Variants in CALCRL observed in about 807,000 individuals in gnomAD.
CALCRL encodes calcitonin receptor like receptor, also known as calcitonin gene-related peptide type 1 receptor.
A neutral mutation model predicts 60.4 loss-of-function variants in CALCRL; 27 were observed. The observed-to-expected ratio is 0.45, with a 90% CI of 0.33 to 0.62. The LOEUF is 0.62. Ranked by LOEUF, CALCRL falls within the 20% of genes least tolerant of loss-of-function variation. The pLI, the probability that CALCRL is intolerant of heterozygous loss-of-function variation, is 0.03. For synonymous variants in CALCRL, 190 were observed against 182.6 expected (o/e 1.04, Z -0.33); for missense variants, 424 against 540.7 (o/e 0.78, Z 2.14).
intron 1 of CALCRL, among the ~76,000 whole-genome samples, chr2:187,404,432 T>G (rs1055573725): frequency 6.6e-6 from 1 of 151,742 alleles, no homozygotes; most frequent in African/African-American, 2.4e-5. Context: ...AAGTTTTTTA[T>G]AAAAGTTCAA....
At chr2:187,367,196 A>G (rs1687337230) in intron 8 of CALCRL, among the ~76,000 whole-genome samples, 1 of 152,160 alleles carries the variant, frequency 6.6e-6, no homozygotes, top group Non-Finnish European at 1.5e-5. Context: ...ATGTGGTCAA[A>G]CTAGATAGTC....
Position 187,383,224 on chromosome 2 carries a change from G to A in CALCRL, c.133C>T (p.Gln45Ter). ...GVTRNKIMTA[Q>*]YECYQKIMQD... is the part of the protein sequence containing the mutation. ...ATAATCTTTTGGTAACATTCATATT[G>A]AGCTGTCATGATTTTATTTCTAGTA... The change falls in exon 5 of 15, where the codon CAA (glutamine) becomes TAA (stop). Residue 45 changes from glutamine (Q) to a stop codon, truncating the protein, a stop_gained. Transcript: ENST00000392370. LOFTEE classifies it high-confidence loss of function. 1 of 1,612,342 alleles carries A rather than the reference G, an allele frequency of 6.2e-7. No homozygotes were observed. Among genetic ancestry groups the A allele is most frequent in the Non-Finnish European group, 8.5e-7 (1 of 1,179,528 alleles).
chr2:187,416,576 A>G (rs1689619457), intron 1 of CALCRL, among the ~76,000 whole-genome samples: 1 of 152,166 alleles, frequency 6.6e-6, no homozygotes, highest in Admixed American at 6.5e-5. Flanking sequence ...CTTGTATTTT[A>G]TTAAAAACTC....
chr2:187,411,944 A>C (rs1289837286), intron 1 of CALCRL, among the ~76,000 whole-genome samples: 5 of 137,460 alleles, frequency 3.6e-5, no homozygotes, highest in African/African-American at 1.4e-4. Flanking sequence ...TGCAGACTGC[A>C]CTCCAGCCTG....
chr2:187,429,712 A>G (rs979254113), intron 1 of CALCRL, among the ~76,000 whole-genome samples: 2 of 152,210 alleles, frequency 1.3e-5, no homozygotes, highest in Admixed American at 6.5e-5. Flanking sequence ...CACTATTAGA[A>G]CAAAAACAAC....
chr2:187,402,421 G>A (rs1016264626), intron 1 of CALCRL, among the ~76,000 whole-genome samples: 2 of 132,510 alleles, frequency 1.5e-5, no homozygotes, highest in Non-Finnish European at 3.2e-5. Flanking sequence ...ATGTTTGTGA[G>A]TGTGTGTGTG....
chr2:187,374,999 G>A (rs1441408005), intron 8 of CALCRL, among the ~76,000 whole-genome samples: 2 of 152,090 alleles, frequency 1.3e-5, no homozygotes, highest in Non-Finnish European at 2.9e-5. Flanking sequence ...TTGGCCGGGC[G>A]CGGTGGCTCA....
At chr2:187,382,068 C>T (rs1358651796) in intron 5 of CALCRL, among the ~76,000 whole-genome samples, 2 of 152,136 alleles carry the variant, frequency 1.3e-5, no homozygotes, top group Non-Finnish European at 2.9e-5. Context: ...TTTTAGAAAG[C>T]ATCTCAGATA....
At chr2:187,441,758 A>G (rs1310080166) in intron 1 of CALCRL, among the ~76,000 whole-genome samples, 3 of 152,000 alleles carry the variant, frequency 2.0e-5, no homozygotes, top group Non-Finnish European at 4.4e-5. Flanking sequence ...CAATTTTAGC[A>G]TACAGGAAAA....
At chr2:187,441,955 GCTGT>G (rs1690923288) in intron 1 of CALCRL, 1 of 151,304 alleles carries the variant, frequency 6.6e-6, no homozygotes, top group African/African-American at 2.4e-5. Flanking sequence ...TGCAACTCAT[GCTGT>G]CTGTCTGCTG....
chr2:187,416,589 G>A (rs1288364352), intron 1 of CALCRL, among the ~76,000 whole-genome samples: 2 of 152,148 alleles, frequency 1.3e-5, no homozygotes, highest in Admixed American at 6.5e-5. Flanking sequence ...AAAAACTCTT[G>A]TGAATGCGGG....
chr2:187,389,069 C>CTTTTTTTTTTTTTTTTT (rs35822000), intron 1 of CALCRL, among the ~76,000 whole-genome samples: 1 of 140,164 alleles, frequency 7.1e-6, no homozygotes, highest in Non-Finnish European at 1.5e-5. Flanking sequence ...ACTTCTTCTT[C>CTTTTTTTTTTTTTTTTT]TTTTTTTTTT....
chr2:187,370,769 A>G (rs1220156489), intron 8 of CALCRL, among the ~76,000 whole-genome samples: 1 of 152,166 alleles, frequency 6.6e-6, no homozygotes, highest in Non-Finnish European at 1.5e-5. Flanking sequence ...CAAACCGTAT[A>G]CTTTATGTAG....
At chr2:187,413,017 A>G (rs574060584) in intron 1 of CALCRL, among the ~76,000 whole-genome samples, 2 of 152,294 alleles carry the variant, frequency 1.3e-5, no homozygotes, top group Admixed American at 1.3e-4. Flanking sequence ...ATTTGTGAGG[A>G]AGACAACATA....
chr2:187,435,815 T>C (rs1690613319), intron 1 of CALCRL, among the ~76,000 whole-genome samples: 1 of 151,934 alleles, frequency 6.6e-6, no homozygotes, highest in Non-Finnish European at 1.5e-5. Flanking sequence ...CAAAGGAATT[T>C]TGGAACAGCA....
At chr2:187,428,912 A>G (rs990096841) in intron 1 of CALCRL, 7 of 147,626 alleles carry the variant, frequency 4.7e-5, no homozygotes, top group African/African-American at 1.7e-4. Flanking sequence ...AAAAAAAATT[A>G]CTGTAAGCAT....
At chr2:187,391,911 T>C (rs765395045) in intron 1 of CALCRL, among the ~76,000 whole-genome samples, 1 of 152,086 alleles carries the variant, frequency 6.6e-6, no homozygotes, top group African/African-American at 2.4e-5. Flanking sequence ...TAATATATTA[T>C]ACATCTACCA....
intron 1 of CALCRL, among the ~76,000 whole-genome samples, chr2:187,438,472 G>A (rs1228759081): frequency 6.6e-6 from 1 of 151,640 alleles, no homozygotes; most frequent in Non-Finnish European, 1.5e-5. Context: ...CAATTAAACA[G>A]AATTTGTATT....
Position 187,360,703 on chromosome 2 carries a change from T to C in CALCRL, c.676A>G (p.Asn226Asp). 6.2e-7 allele frequency: 1 copy of C among 1,612,652 alleles called. No individual in the cohort carries two copies. Among genetic ancestry groups the C allele is most frequent in the Non-Finnish European group, 8.5e-7 (1 of 1,179,178 alleles). The change falls in exon 10 of 15, where the codon AAT (asparagine) becomes GAT (aspartate). Residue 226 changes from asparagine to aspartate, a missense_variant. Transcript: ENST00000392370. ...CCTTCACAGAGCATCCAAAAGTAAT[T>C]ACAGCCCATCAGGTAAAGATGAATG... is the stretch of plus-strand genomic sequence containing the variant. ...QFIHLYLMGC[N>D]YFWMLCEGIY...
Sources: gnomAD v4.1 joint callset for allele counts (sites outside exome capture counted in the v4.1 genomes callset) on GRCh38, gnomAD v4.1.1 for gene constraint, MANE v1.5 for transcripts, NCBI Gene and HGNC (gene_info 2026-07-23, HGNC 2026-07-21) for gene names.